The following COL18A1 variants were observed in gnomAD, a reference collection of about 807,000 sequenced individuals.
The protein encoded by COL18A1 is collagen alpha-1(XVIII) chain.
Under a neutral mutation model 168.0 loss-of-function variants are expected in COL18A1, and 133 were observed. That is an observed-to-expected ratio of 0.79 (90% CI 0.69 to 0.91). The LOEUF is 0.91. Among genes scored for constraint, COL18A1 ranks in the 40% least tolerant of loss-of-function variants. The probability of loss-of-function intolerance (pLI) is 0.00; values close to 1 mark genes in which losing one functional copy is unlikely to be tolerated. For synonymous variants in COL18A1, 949 were observed against 809.0 expected (o/e 1.17, Z -2.94); for missense variants, 2,126 against 1,925.4 (o/e 1.10, Z -1.95).
chr21:45,494,531 G>A lies in COL18A1; in HGVS notation c.2353-14G>A, dbSNP rs758822462. ...AGCTGCCACCTAACCCTGTCTTCTT[G>A]TTTTTTTGCTCAGGGAGAGCCGGGC... On this transcript the variant is annotated splice_polypyrimidine_tract_variant and intron_variant, in intron 26 of 41. Coordinates refer to ENST00000651438, the MANE Select transcript of COL18A1 (RefSeq NM_001379500.1). The A allele has an allele frequency of 6.2e-7, 1 of 1,613,408 alleles. No individual in the cohort carries two copies. Among genetic ancestry groups the A allele is most frequent in the Non-Finnish European group, 8.5e-7 (1 of 1,179,966 alleles).
At position 45,493,240 on chromosome 21, in the gene COL18A1, T is replaced by C. The variant is rs776131955; in HGVS notation, c.2277+15T>C. The C allele has an allele frequency of 3.1e-5, 48 of 1,553,058 alleles. No homozygotes were observed. Among genetic ancestry groups the C allele is most frequent in the Middle Eastern group, 3.3e-4 (2 of 6,008 alleles). ...CGGGACCCAAGGTAAGGGGCTCAGGTGCTGTCCCTCAACCCCCTTTGTGAC... is the reference window on the plus strand; with the variant it reads ...CGGGACCCAAGGTAAGGGGCTCAGGCGCTGTCCCTCAACCCCCTTTGTGAC... On this transcript the variant is annotated intron_variant, in intron 25 of 41. Transcript: ENST00000651438.
intron 2 of COL18A1, among the ~76,000 whole-genome samples, chr21:45,437,738 A>T (rs1209497353): frequency 1.7e-5 from 1 of 58,784 alleles, no homozygotes; most frequent in Admixed American, 1.5e-4. Context: ...GCACACACAC[A>T]CTCACACACT....
intron 32 of COL18A1, among the ~76,000 whole-genome samples, chr21:45,499,078 G>A (rs1485059473): frequency 3.3e-5 from 5 of 152,190 alleles, no homozygotes; most frequent in Non-Finnish European, 5.9e-5. Flanking sequence ...TCATTCGAAG[G>A]ATCAACAATT....
chr21:45,405,863 C>A (rs1019124488), intron 2 of COL18A1, among the ~76,000 whole-genome samples: 2 of 151,814 alleles, frequency 1.3e-5, no homozygotes, highest in East Asian at 3.9e-4. Context: ...TGACCGCGGG[C>A]GGAAGGCGGC....
At chr21:45,501,182 C>G (rs541946396) in intron 32 of COL18A1, among the ~76,000 whole-genome samples, 8 of 151,952 alleles carry the variant, frequency 5.3e-5, no homozygotes, top group African/African-American at 1.9e-4. Flanking sequence ...ATTGAGACAA[C>G]GGAGCAAGTC....
chr21:45,507,733 G>A, intron 38 of COL18A1, 140 bp downstream of exon 38: 2 of 819,770 alleles, frequency 2.4e-6, no homozygotes, highest in Non-Finnish European at 4.1e-6. Context: ...CCCTGCTGCA[G>A]AAACTGGTGC....
intron 2 of COL18A1, among the ~76,000 whole-genome samples, chr21:45,452,720 CAT>C (rs57351255): frequency 0.17 from 25,965 of 150,828 alleles, 2,870 homozygotes; most frequent in East Asian, 0.3. Flanking sequence ...TGAATATTCA[CAT>C]GTGACGTGTG....
chr21:45,418,842 G>A (rs988477208), intron 2 of COL18A1, among the ~76,000 whole-genome samples: 17 of 152,184 alleles, frequency 1.1e-4, no homozygotes, highest in East Asian at 1.9e-4. Context: ...CCTGCGAGGC[G>A]TGATGGCCAA....
chr21:45,439,724 C>T (rs111336076), intron 2 of COL18A1, among the ~76,000 whole-genome samples: 68 of 152,342 alleles, frequency 4.5e-4, no homozygotes, highest in South Asian at 2.7e-3. Flanking sequence ...GCTTTGGGCG[C>T]GTGCAGCAAG....
intron 2 of COL18A1, among the ~76,000 whole-genome samples, chr21:45,449,400 C>G (rs148624882): frequency 0.023 from 3,490 of 152,290 alleles, 58 homozygotes; most frequent in Middle Eastern, 0.061. Flanking sequence ...AGGCTCCCCA[C>G]CTCATAGTCC....
At chr21:45,505,318 C>T (rs373534165) in intron 35 of COL18A1, 40 bp downstream of exon 35, 170 of 1,592,126 alleles carry the variant, frequency 1.1e-4, no homozygotes, top group Middle Eastern at 1.7e-4. Context: ...GAGGCCGCCT[C>T]GTGTGGCTTC....
intron 2 of COL18A1, among the ~76,000 whole-genome samples, chr21:45,438,636 G>T (rs985209622): frequency 1.3e-5 from 2 of 152,226 alleles, no homozygotes; most frequent in Non-Finnish European, 2.9e-5. Context: ...TGCTGTAGAG[G>T]CTAAGACCCC....
rs578135314 is a variant in COL18A1, at chr21:45,415,409, C to CCT, written c.106+9936_106+9937insCT. Among the ~76,000 whole-genome samples the CCT allele has an allele frequency of 9.9e-5, 15 of 152,264 alleles. 1 individual carries two copies. The South Asian group carries it at 2.9e-3, about 29-fold the overall frequency. The stretch of plus-strand genomic sequence containing the variant: ...TCTTCAGGTCCCCAGGATGACCTCC[C>CCT]AACAGGCCCAGGGCAGCAGCCAGGA... On this transcript the variant is annotated intron_variant, in intron 2 of 41. Coordinates refer to ENST00000651438, the MANE Select transcript of COL18A1 (RefSeq NM_001379500.1).
At chr21:45,456,067 C>A in intron 2 of COL18A1, 7 of 1,604,664 alleles carry the variant, frequency 4.4e-6, no homozygotes, top group Non-Finnish European at 6.0e-6. Flanking sequence ...GCTCTCCGGG[C>A]GCCCACACAA....
In COL18A1 at chr21:45,405,198, G is replaced by A; in HGVS notation, c.-33G>A. 1 of 197,092 alleles carries A rather than the reference G, an allele frequency of 5.1e-6. No homozygotes were observed. The highest frequency in any genetic ancestry group is 9.1e-6 in the Non-Finnish European group (1 of 109,776). The allele number at this position is 197,092 out of a possible 1,614,324, so 12.2% of individuals were successfully genotyped here. A position where few individuals can be genotyped will look rare whatever the true frequency, so the allele number is the denominator to read the frequency against. On this transcript the variant is annotated 5_prime_UTR_variant, in exon 1 of 42. Transcript: ENST00000651438. ...CGGGTGCACCGCGGCGGAGGAGGCA[G>A]CATCCCGCGGCGCTGACGGTCCTGG...
intron 2 of COL18A1, among the ~76,000 whole-genome samples, chr21:45,430,490 G>A (rs1432240476): frequency 6.6e-6 from 1 of 152,064 alleles, no homozygotes; most frequent in Non-Finnish European, 1.5e-5. Context: ...CTGGGATCCT[G>A]GGCTTCTGCT....
chr21:45,444,061 T>C (rs1159437073), intron 2 of COL18A1, among the ~76,000 whole-genome samples: 1 of 152,220 alleles, frequency 6.6e-6, no homozygotes, highest in Admixed American at 6.5e-5. Context: ...GCTGCCACGC[T>C]GTCGCTCTCT....
At chr21:45,455,815 T>G in intron 2 of COL18A1, 1 of 1,613,352 alleles carries the variant, frequency 6.2e-7, no homozygotes, top group Non-Finnish European at 8.5e-7. Context: ...ACACCCCCAC[T>G]TCTGCCGAGA....
chr21:45,506,009 G>A (rs577105668), intron 37 of COL18A1, 43 bp downstream of exon 37: 32 of 1,612,246 alleles, frequency 2.0e-5, no homozygotes, highest in South Asian at 1.3e-4. Context: ...TGGAAGGGCC[G>A]AAGCCGCCTC....
Sources: gnomAD v4.1 joint callset for allele counts (sites outside exome capture counted in the v4.1 genomes callset) on GRCh38, gnomAD v4.1.1 for gene constraint, MANE v1.5 for transcripts, NCBI Gene and HGNC (gene_info 2026-07-23, HGNC 2026-07-21) for gene names.